Variants in PLPPR3 observed in about 807,000 individuals in gnomAD.
PLPPR3 encodes phospholipid phosphatase-related protein type 3.
In PLPPR3, 14 loss-of-function variants were observed where a neutral mutation model predicts 27.3. The observed-to-expected ratio is 0.51, with a 90% CI of 0.34 to 0.80. The LOEUF is 0.80. Ranked by LOEUF, PLPPR3 falls within the 30% of genes least tolerant of loss-of-function variation. The pLI is 0.01. For synonymous variants in PLPPR3, 671 were observed against 508.0 expected (o/e 1.32, Z -4.32); for missense variants, 1,287 against 1,056.9 (o/e 1.22, Z -3.02).
At chr19:823,421 G>A (rs754038983), upstream of PLPPR3, among the ~76,000 whole-genome samples, 2 of 139,172 alleles carry the variant, frequency 1.4e-5, no homozygotes, top group East Asian at 2.1e-4. Context: ...CAGCCTGGGC[G>A]ACAGAAGGAG....
Position 813,938 on chromosome 19 carries a change from G to A in PLPPR3, c.832-43C>T. 1.4e-6 allele frequency: 2 copies of A among 1,413,668 alleles called. No homozygotes were observed. Among genetic ancestry groups the A allele is most frequent in the South Asian group, 1.5e-5 (1 of 65,472 alleles). 87.6% of individuals were successfully genotyped at this position (1,413,668 alleles called of 1,614,324 possible). On this transcript the variant is annotated intron_variant, in intron 7 of 7. Coordinates refer to ENST00000520876, the MANE Select transcript of PLPPR3 (RefSeq NM_001270366.2). This position sits in a 1 kb window ranked among gnomAD's most constrained non-coding sequence, Gnocchi z 4.1. ...CTGGGGGTGAGGCCTGGGGCTCAGA[G>A]GGCTCCTCCCCTGTGATCGTTGGAC...
intron 2 of PLPPR3, among the ~76,000 whole-genome samples, chr19:818,813 G>A (rs1449489041): frequency 2.0e-5 from 3 of 152,050 alleles, no homozygotes; most frequent in East Asian, 1.9e-4. Context: ...GATGACAGGC[G>A]TGAGCCACCA....
At chr19:819,528 G>A (rs2035114724) in intron 2 of PLPPR3, among the ~76,000 whole-genome samples, 3 of 152,112 alleles carry the variant, frequency 2.0e-5, no homozygotes, top group Admixed American at 6.6e-5. Context: ...GACCTTAGGT[G>A]ATCCGCCCAC....
rs1040574031 is a variant in PLPPR3, at chr19:815,604, C to A, written c.261+62G>T. The A allele has an allele frequency of 3.4e-6, 5 of 1,476,268 alleles. No homozygotes were observed. In the Admixed American group the frequency reaches 8.5e-5, roughly 25 times the overall value. The allele number at this position is 1,476,268 out of a possible 1,614,324, so 91.4% of individuals were successfully genotyped here. ...CCAGTGTGGATGTTCACCGAGGTGG[C>A]GGGGGTGGGCTCCCAGCCGTGGTGC... On this transcript the variant is annotated intron_variant, in intron 3 of 7. Transcript: ENST00000520876.
rs369834825 is a variant in PLPPR3, at chr19:815,270, C to T, written c.319G>A (p.Gly107Arg). 97 of 1,558,806 alleles carry T rather than the reference C, an allele frequency of 6.2e-5. 1 individual carries two copies. The highest frequency in any genetic ancestry group is 1.5e-4 in the Admixed American group (8 of 52,194). The change falls in exon 4 of 8, where the codon GGG (glycine) becomes AGG (arginine). Residue 107 changes from glycine (G) to arginine (R), a missense_variant. Physicochemically the swap from Gly to Arg is moderately radical, Grantham distance 125 (BLOSUM62 -2). Transcript: ENST00000520876. ...CTGCCCTCCGCCCCGGCGGGCCCCC[C>T]GGCACGGCCCCACAGCCGGGACTGC... is the stretch of plus-strand genomic sequence containing the variant. ...CLQSRLWGRA[G>R]GPAGAEGSIN...
At chr19:816,819 CATCCATCA>C (rs2035069383) in intron 2 of PLPPR3, among the ~76,000 whole-genome samples, 2 of 151,638 alleles carry the variant, frequency 1.3e-5, no homozygotes, top group South Asian at 4.2e-4. Context: ...TCCATCCATC[CATCCATCA>C]CCTAGCCATT....
chr19:815,021 G>A lies in PLPPR3; in HGVS notation c.464C>T (p.Thr155Met), dbSNP rs759749607. 1.8e-5 allele frequency: 29 copies of A among 1,610,692 alleles called. No homozygotes were observed. The highest frequency in any genetic ancestry group is 6.7e-5 in the Admixed American group (4 of 59,992). Residue 155 changes from threonine (T) to methionine (M), a missense_variant, in exon 5 of 8, where the codon ACG (threonine) becomes ATG (methionine). Physicochemically the swap from Thr to Met is moderately conservative, Grantham distance 81. Transcript: ENST00000520876. ...ALVTDVIQLA[T>M]GYHTPFFLTV... is the part of the protein sequence containing the mutation. ...GAGGAAGAAGGGAGTGTGGTAACCC[G>A]TGGCCAGCTGGATCACGTCCGTCAC...
At chr19:823,433 C>T (rs1231858930), upstream of PLPPR3, among the ~76,000 whole-genome samples, 1 of 61,760 alleles carries the variant, frequency 1.6e-5, no homozygotes. Flanking sequence ...CAGAAGGAGA[C>T]TCTATCTCAA....
chr19:812,518 GCGGCCGCCCGCGCCCTCGGCCCGCCCCC>G lies in PLPPR3; in HGVS notation c.*24_*51del. ...TTCTGCCGCTTTATTGAGCATCCGC[GCGGCCGCCCGCGCCCTCGGCCCGCCCCC>G]CGCCCGCCCCCGGCCCCGCCGCGCT... On this transcript the variant is annotated 3_prime_UTR_variant, in exon 8 of 8. Transcript: ENST00000520876. 8 of 988,878 alleles carry G rather than the reference GCGGCCGCCCGCGCCCTCGGCCCGCCCCC, an allele frequency of 8.1e-6. No homozygotes were observed. The highest frequency in any genetic ancestry group is 9.6e-6 in the Non-Finnish European group (8 of 831,988). The allele number at this position is 988,878 out of a possible 1,614,324, so 61.3% of individuals were successfully genotyped here.
At chr19:814,018 G>A (rs1472197510) in intron 7 of PLPPR3, 123 bp from the exon 8 acceptor site, 6 of 951,470 alleles carry the variant, frequency 6.3e-6, no homozygotes, top group Middle Eastern at 3.4e-4. Flanking sequence ...TTGTCCAGTG[G>A]GACCGGTTCC....
In PLPPR3 at chr19:815,194, C is replaced by T. The variant is rs146902908; in HGVS notation, c.395G>A (p.Arg132Gln). Residue 132 changes from arginine to glutamine, a missense_variant, in exon 4 of 8, where the codon CGG becomes CAG. By Grantham distance (43) the Arg-to-Gln change is conservative. Coordinates refer to ENST00000520876, the MANE Select transcript of PLPPR3 (RefSeq NM_001270366.2). ...CGCGTCCCGCAACTCACCCACAAAC[C>T]GCACCGTACGCCGCAGGAAGGAGTT... ...NFNSFLRRTV[R>Q]FVGVHVFGLC... is the part of the protein sequence containing the mutation. 3.6e-5 allele frequency: 57 copies of T among 1,603,662 alleles called. 1 individual carries two copies. Among genetic ancestry groups the T allele is most frequent in the South Asian group, 3.1e-4 (28 of 90,682 alleles).
chr19:821,388 G>T, intron 2 of PLPPR3, 97 bp downstream of exon 2: 1 of 1,104,660 alleles, frequency 9.1e-7, no homozygotes, highest in Non-Finnish European at 1.2e-6. Context: ...GCCACTGCCG[G>T]GGCAGCTGCG....
At position 815,090 on chromosome 19, in the gene PLPPR3, CG is replaced by C. The variant is rs1316366437; in HGVS notation, c.404-10del. 1 of 1,602,394 alleles carries C rather than the reference CG, an allele frequency of 6.2e-7. No homozygotes were observed. Among genetic ancestry groups the C allele is most frequent in the African/African-American group, 1.3e-5 (1 of 74,894 alleles). Reference sequence around the variant, plus strand: ...GCCGAACACGTGGACACCTGCAGGGCGGAAGGCTCGGCCAGGCGGGGAGCTG... The same window carrying C: ...GCCGAACACGTGGACACCTGCAGGGCGAAGGCTCGGCCAGGCGGGGAGCTG... On this transcript the variant is annotated splice_polypyrimidine_tract_variant and intron_variant, in intron 4 of 7. Transcript: ENST00000520876.
Position 813,630 on chromosome 19 carries a change from G to C in PLPPR3, c.1097C>G (p.Ala366Gly), listed in dbSNP as rs1028153194. 1.9e-6 allele frequency: 3 copies of C among 1,541,868 alleles called. No individual in the cohort carries two copies. The highest frequency in any genetic ancestry group is 2.6e-6 in the Non-Finnish European group (3 of 1,145,570). ...VDLLAPRSPMAKENMVTFSHT... is the reference protein window; with the variant it reads ...VDLLAPRSPMGKENMVTFSHT... ...GCTGAAGGTCACCATGTTCTCCTTGGCCATGGGGCTGCGCGGGGCCAGCAG... is the reference window on the plus strand; with the variant it reads ...GCTGAAGGTCACCATGTTCTCCTTGCCCATGGGGCTGCGCGGGGCCAGCAG... Residue 366 changes from alanine to glycine, a missense_variant, in exon 8 of 8, where the codon GCC (alanine) becomes GGC (glycine). Ala to Gly is a moderately conservative substitution (Grantham distance 60, BLOSUM62 0). Coordinates refer to ENST00000520876, the MANE Select transcript of PLPPR3 (RefSeq NM_001270366.2). This position sits in a 1 kb window ranked among gnomAD's most constrained non-coding sequence, Gnocchi z 4.1.
In PLPPR3 at chr19:812,541, G is replaced by GGCCCCCCCCCCCCC; in HGVS notation, c.*28_*29insGGGGGGGGGGGGGC. 25 of 617,388 alleles carry GGCCCCCCCCCCCCC rather than the reference G, an allele frequency of 4.0e-5. No homozygotes were observed. The highest frequency in any genetic ancestry group is 4.8e-5 in the Non-Finnish European group (24 of 496,522). 38.2% of individuals were successfully genotyped at this position (617,388 alleles called of 1,614,324 possible). On this transcript the variant is annotated 3_prime_UTR_variant, in exon 8 of 8. Coordinates refer to ENST00000520876, the MANE Select transcript of PLPPR3 (RefSeq NM_001270366.2). ...GCGCGGCCGCCCGCGCCCTCGGCCC[G>GGCCCCCCCCCCCCC]CCCCCCGCCCGCCCCCGGCCCCGCC...
In PLPPR3 at chr19:814,844, G is replaced by A. The variant is rs959073726; in HGVS notation, c.599+42C>T. 58 of 1,591,966 alleles carry A rather than the reference G, an allele frequency of 3.6e-5. 2 individuals are homozygous for A. Among genetic ancestry groups the A allele is most frequent in the South Asian group, 3.2e-4 (29 of 89,878 alleles). On this transcript the variant is annotated intron_variant, in intron 5 of 7. Coordinates refer to ENST00000520876, the MANE Select transcript of PLPPR3 (RefSeq NM_001270366.2). ...TGTTTCCCCGCATGTTCACCGGGGC[G>A]GAAGAAGGCTCCCAGTCAGGGGAGT...
chr19:820,148 T>G (rs2035123670), intron 2 of PLPPR3, among the ~76,000 whole-genome samples: 1 of 151,794 alleles, frequency 6.6e-6, no homozygotes, highest in African/African-American at 2.4e-5. Context: ...ACCCCAGCCT[T>G]AAGTTACTCT....
rs1351602821 is a variant in PLPPR3 at position 813,693 on chromosome 19, G to A, written c.1034C>T (p.Ser345Leu). 3 of 1,530,808 alleles carry A rather than the reference G, an allele frequency of 2.0e-6. No individual in the cohort carries two copies. 94.8% of individuals were successfully genotyped at this position (1,530,808 alleles called of 1,614,324 possible). Residue 345 changes from serine (S) to leucine (L), a missense_variant, in exon 8 of 8, where the codon TCG becomes TTG. Physicochemically the swap from Ser to Leu is moderately radical, Grantham distance 145. Transcript: ENST00000520876. This position sits in a 1 kb window ranked among gnomAD's most constrained non-coding sequence, Gnocchi z 4.1. ...GCTGGCGCGCTTCAGGCTGCCCAGC[G>A]AGGTCTTCTCGCGGGCCACGGGCCG... The part of the protein sequence containing the change: ...APRPVAREKT[S>L]LGSLKRASVD...
In PLPPR3 at chr19:821,816, G is replaced by A. The variant is rs1272020393; in HGVS notation, c.-27+99C>T. 42 of 337,320 alleles carry A rather than the reference G, an allele frequency of 1.2e-4. No homozygotes were observed. The East Asian group carries it at 2.0e-3, about 16-fold the overall frequency. The allele number at this position is 337,320 out of a possible 1,614,324, so 20.9% of individuals were successfully genotyped here. On this transcript the variant is annotated intron_variant, in intron 1 of 7. Transcript: ENST00000520876. Reference sequence around the variant, plus strand: ...AGGAGGGCGGGGGGTCTCCGGGCGGGAGCCAGTCCCCGCGTGGTGGTGGGG... The same window carrying A: ...AGGAGGGCGGGGGGTCTCCGGGCGGAAGCCAGTCCCCGCGTGGTGGTGGGG...
Sources: allele counts gnomAD v4.1 joint callset (sites outside exome capture counted in the v4.1 genomes callset), GRCh38; gene constraint gnomAD v4.1.1; non-coding constraint Gnocchi (gnomAD v3.1); transcripts MANE v1.5; gene names NCBI Gene and HGNC (gene_info 2026-07-23, HGNC 2026-07-21).